The following SUCLG2 variants were observed in gnomAD, a reference collection of about 807,000 sequenced individuals.
The protein encoded by SUCLG2 is succinate--CoA ligase [GDP-forming] subunit beta, mitochondrial.
A neutral mutation model predicts 47.9 loss-of-function variants in SUCLG2; 42 were observed. That is an observed-to-expected ratio of 0.88 (90% confidence interval 0.69 to 1.14). SUCLG2 has a LOEUF of 1.14. Among genes scored for constraint, SUCLG2 ranks in the 50% most tolerant of loss-of-function variants. The pLI, the probability that SUCLG2 is intolerant of heterozygous loss-of-function variation, is 0.00. For synonymous variants in SUCLG2, 195 were observed against 197.3 expected, an observed-to-expected ratio of 0.99 and a Z score of 0.10; for missense variants, 571 against 525.9, an observed-to-expected ratio of 1.09 and a Z score of -0.84.
chr3:67,498,276 C>A lies in SUCLG2; in HGVS notation c.777G>T (p.Lys259Asn). 1 of 1,613,072 alleles carries A rather than the reference C, an allele frequency of 6.2e-7. No homozygotes were observed. Among genetic ancestry groups the A allele is most frequent in the Middle Eastern group, 1.7e-4 (1 of 6,052 alleles). ...ATTCTGCGTTGTCATCAAAGTTTAT[C>A]TTGGCATCAAAACAGACAACTAAAT... is the stretch of plus-strand genomic sequence containing the variant. ...PEGQVVCFDAKINFDDNAEFR... is the reference protein window; with the variant it reads ...PEGQVVCFDANINFDDNAEFR... Residue 259 changes from lysine (K) to asparagine (N), a missense_variant, in exon 8 of 11, where the codon AAG becomes AAT. Transcript: ENST00000307227.
intron 2 of SUCLG2, among the ~76,000 whole-genome samples, chr3:67,577,257 G>GA (rs1170675167): frequency 6.6e-6 from 1 of 152,132 alleles, no homozygotes; most frequent in African/African-American, 2.4e-5. Flanking sequence ...GCAGTGAGCT[G>GA]AGATCCTGCC....
intron 4 of SUCLG2, 129 bp from the exon 5 acceptor site, chr3:67,520,763 G>A (rs1184591972): frequency 4.7e-6 from 5 of 1,060,706 alleles, no homozygotes; most frequent in South Asian, 1.6e-5. Flanking sequence ...GAGTGAGTTT[G>A]CAGAGCTTTG....
chr3:67,586,368 T>C (rs1370333580), intron 2 of SUCLG2, among the ~76,000 whole-genome samples: 1 of 152,210 alleles, frequency 6.6e-6, no homozygotes, highest in East Asian at 1.9e-4. Flanking sequence ...CTAGACTGCA[T>C]GGGACAAAAT....
At chr3:67,635,701 T>G (rs1700998775) in intron 1 of SUCLG2, among the ~76,000 whole-genome samples, 1 of 152,100 alleles carries the variant, frequency 6.6e-6, no homozygotes, top group African/African-American at 2.4e-5. Context: ...GTCCTTCAGT[T>G]CTCCAGTGCA....
intron 9 of SUCLG2, among the ~76,000 whole-genome samples, chr3:67,470,663 A>C (rs1704582317): frequency 6.6e-6 from 1 of 152,208 alleles, no homozygotes. Flanking sequence ...ATAATGTAAC[A>C]AGTAGGCCCT....
At chr3:67,640,510 T>C (rs1002293916) in intron 1 of SUCLG2, among the ~76,000 whole-genome samples, 1 of 152,204 alleles carries the variant, frequency 6.6e-6, no homozygotes, top group Non-Finnish European at 1.5e-5. Flanking sequence ...ACTACGATTC[T>C]TCCTAGATGA....
At chr3:67,415,015 C>A (rs1341186988) in intron 9 of SUCLG2, among the ~76,000 whole-genome samples, 6 of 152,098 alleles carry the variant, frequency 3.9e-5, no homozygotes, top group Admixed American at 2.6e-4. Flanking sequence ...ACATGCCCAG[C>A]TAATTTTTAA....
chr3:67,453,964 T>C (rs1172806076), intron 9 of SUCLG2, among the ~76,000 whole-genome samples: 1 of 152,236 alleles, frequency 6.6e-6, no homozygotes, highest in East Asian at 1.9e-4. Flanking sequence ...TGTGTGTATG[T>C]GTGTGCAAAT....
At chr3:67,588,444 GGT>G (rs1487196801) in intron 2 of SUCLG2, among the ~76,000 whole-genome samples, 2 of 152,078 alleles carry the variant, frequency 1.3e-5, no homozygotes, top group Admixed American at 6.6e-5. Context: ...CTTTCAAGAA[GGT>G]GTTTTAGTAA....
chr3:67,381,059 C>G (rs968638287), intron 10 of SUCLG2, among the ~76,000 whole-genome samples: 1 of 152,084 alleles, frequency 6.6e-6, no homozygotes, highest in Non-Finnish European at 1.5e-5. Flanking sequence ...GGCCTGTAGT[C>G]CCAGCTACTC....
chr3:67,396,060 G>C (rs1437237093), intron 10 of SUCLG2, among the ~76,000 whole-genome samples: 1 of 151,810 alleles, frequency 6.6e-6, no homozygotes, highest in Non-Finnish European at 1.5e-5. Flanking sequence ...ATGCCCACAA[G>C]AGAAAGCAGG....
intron 9 of SUCLG2, among the ~76,000 whole-genome samples, chr3:67,421,224 C>G (rs1042821357): frequency 6.6e-6 from 1 of 152,214 alleles, no homozygotes; most frequent in Non-Finnish European, 1.5e-5. Flanking sequence ...TAAAGACCCA[C>G]TGTCATTAAA....
At chr3:67,596,909 A>G (rs1708306587) in intron 2 of SUCLG2, among the ~76,000 whole-genome samples, 1 of 152,202 alleles carries the variant, frequency 6.6e-6, no homozygotes, top group Non-Finnish European at 1.5e-5. Context: ...TGAGATAAGC[A>G]TATTTGGGAC....
intron 2 of SUCLG2, among the ~76,000 whole-genome samples, chr3:67,548,961 G>C (rs549790485): frequency 6.6e-6 from 1 of 152,204 alleles, no homozygotes; most frequent in Admixed American, 6.5e-5. Flanking sequence ...ATCAGTCACA[G>C]TCAATTATAT....
intron 9 of SUCLG2, among the ~76,000 whole-genome samples, chr3:67,427,365 T>G (rs1306332004): frequency 2.0e-5 from 3 of 152,192 alleles, no homozygotes; most frequent in Non-Finnish European, 4.4e-5. Context: ...ACACAAATGC[T>G]TGGTTTCAGA....
chr3:67,360,562 T>C lies in SUCLG2; in HGVS notation c.*67A>G, dbSNP rs1350648190. The C allele has an allele frequency of 3.5e-6, 5 of 1,421,012 alleles. No homozygotes were observed. The East Asian group carries it at 7.5e-5, about 21-fold the overall frequency. 88.0% of individuals were successfully genotyped at this position (1,421,012 alleles called of 1,614,324 possible). A position where few individuals can be genotyped will look rare whatever the true frequency, so the allele number is the denominator to read the frequency against. ...GCAGCTGAACCCAAATGTAAAAAAA[T>C]AATTTTGTGATGATATTCATTAATT... On this transcript the variant is annotated 3_prime_UTR_variant, in exon 11 of 11. Coordinates refer to the SUCLG2 transcript ENST00000493112.
chr3:67,594,672 T>C (rs1559587877), intron 2 of SUCLG2, among the ~76,000 whole-genome samples: 1 of 152,182 alleles, frequency 6.6e-6, no homozygotes, highest in African/African-American at 2.4e-5. Flanking sequence ...ATTTTCTGCA[T>C]ATGTTAGTGG....
chr3:67,363,129 A>G (rs1168918646), intron 10 of SUCLG2, among the ~76,000 whole-genome samples: 1 of 152,218 alleles, frequency 6.6e-6, no homozygotes, highest in Non-Finnish European at 1.5e-5. Context: ...AATAAATTTG[A>G]GCATTTCTTG....
At chr3:67,431,694 C>T (rs1400389879) in intron 9 of SUCLG2, among the ~76,000 whole-genome samples, 2 of 150,298 alleles carry the variant, frequency 1.3e-5, no homozygotes, top group African/African-American at 2.5e-5. Context: ...ACAATCAGAA[C>T]ACTTGGACAC....
Sources: gnomAD v4.1 joint callset for allele counts (sites outside exome capture counted in the v4.1 genomes callset) on GRCh38, gnomAD v4.1.1 for gene constraint, MANE v1.5 for transcripts, NCBI Gene and HGNC (gene_info 2026-07-23, HGNC 2026-07-21) for gene names.